DNTT: variants seen among roughly 807,000 people sequenced by gnomAD.
DNTT encodes the protein nucleosidetriphosphate:DNA deoxynucleotidylexotransferase.
DNTT carries 47 observed loss-of-function variants against 60.9 expected under a neutral mutation model. That is an observed-to-expected ratio of 0.77 (90% confidence interval 0.61 to 0.98). DNTT has a LOEUF of 0.98. Among genes scored for constraint, DNTT ranks in the 50% least tolerant of loss-of-function variants. The pLI is 0.00. For missense variants in DNTT, 665 were observed against 627.5 expected (o/e 1.06, Z -0.64); for synonymous variants, 224 against 221.2 (o/e 1.01, Z -0.11).
At chr10:96,336,547 G>A (rs1464052118) in intron 10 of DNTT, among the ~76,000 whole-genome samples, 2 of 152,184 alleles carry the variant, frequency 1.3e-5, no homozygotes, top group South Asian at 2.1e-4. Context: ...AGTTAGAAGA[G>A]TTAAATATCC....
intron 6 of DNTT, 113 bp downstream of exon 6, chr10:96,324,502 T>C (rs1391266281): frequency 3.4e-6 from 5 of 1,450,880 alleles, no homozygotes; most frequent in Non-Finnish European, 4.7e-6. Context: ...ACTTCTTTGA[T>C]GTCCATTGAT....
chr10:96,309,613 T>C (rs756785107), intron 1 of DNTT, among the ~76,000 whole-genome samples: 2 of 152,196 alleles, frequency 1.3e-5, no homozygotes, highest in Non-Finnish European at 2.9e-5. Context: ...GTCTCACTCA[T>C]TATCCCAAAA....
chr10:96,327,545 G>A lies in DNTT; in HGVS notation c.952G>A (p.Ala318Thr). The part of the protein sequence containing the change: ...AEAVSVLVKE[A>T]VWAFLPDAFV... ...GGCCGTCAGTGTGCTGGTTAAAGAG[G>A]CTGTCTGGGCATTTCTTCCGGATGC... Residue 318 changes from alanine (A) to threonine (T), a missense_variant, in exon 7 of 11, where the codon GCT (alanine) becomes ACT (threonine). Transcript: ENST00000371174. The A allele has an allele frequency of 6.2e-7, 1 of 1,614,108 alleles. No homozygotes were observed. The highest frequency in any genetic ancestry group is 8.5e-7 in the Non-Finnish European group (1 of 1,179,970).
At chr10:96,328,868 ATTATG>A in intron 8 of DNTT, 38 bp downstream of exon 8, 2 of 1,586,246 alleles carry the variant, frequency 1.3e-6, no homozygotes, top group Middle Eastern at 3.4e-4. Context: ...ACACGCAAAC[ATTATG>A]TTAACACTTG....
At chr10:96,324,465 G>C in intron 6 of DNTT, 76 bp downstream of exon 6, 1 of 1,582,112 alleles carries the variant, frequency 6.3e-7, no homozygotes, top group Non-Finnish European at 8.6e-7. Context: ...CAGTTACACT[G>C]CAACTCCAAT....
At chr10:96,320,895 C>A in intron 4 of DNTT, 107 bp downstream of exon 4, 1 of 1,378,310 alleles carries the variant, frequency 7.3e-7, no homozygotes, top group Non-Finnish European at 9.9e-7. Flanking sequence ...ATGTGGTGTA[C>A]ATCACAAATT....
intron 1 of DNTT, among the ~76,000 whole-genome samples, chr10:96,305,161 G>A (rs12258827): frequency 0.027 from 4,106 of 152,234 alleles, 153 homozygotes; most frequent in African/African-American, 0.084. Flanking sequence ...GGTGGGCGAG[G>A]ATGACTAGCC....
In DNTT at chr10:96,334,094, T is replaced by C. The variant is rs115901436; in HGVS notation, c.1359+1498T>C. Among the ~76,000 whole-genome samples the C allele has an allele frequency of 7.9e-3, 1,207 of 152,314 alleles. 11 individuals are homozygous for C. Among genetic ancestry groups the C allele is most frequent in the African/African-American group, 0.028 (1,167 of 41,554 alleles). ...TATCATATTATAACCCACAAATGCA[T>C]ACAATTATTATATGTTAATTAAAAA... is the stretch of plus-strand genomic sequence containing the variant. On this transcript the variant is annotated intron_variant, in intron 9 of 10. Coordinates refer to ENST00000371174, the MANE Select transcript of DNTT (RefSeq NM_004088.4).
chr10:96,304,588 A>T lies in DNTT; in HGVS notation c.91A>T (p.Lys31Ter). The change falls in exon 1 of 11, where the codon AAA becomes TAA. Residue 31 changes from lysine to a stop codon, truncating the protein, a stop_gained. Coordinates refer to ENST00000371174, the MANE Select transcript of DNTT (RefSeq NM_004088.4). LOFTEE classifies it high-confidence loss of function. ...GATGGCCTCCTCTCCTCAAGACATC[A>T]AATTTCAAGATTTGGTCGTCTTCAT... is the stretch of plus-strand genomic sequence containing the variant. ...ALMASSPQDI[K>*]FQDLVVFILE... The T allele has an allele frequency of 1.2e-6, 2 of 1,614,188 alleles. No homozygotes were observed. The highest frequency in any genetic ancestry group is 2.2e-5 in the South Asian group (2 of 91,080).
At chr10:96,322,587 T>C in intron 4 of DNTT, 70 bp from the exon 5 acceptor site, 1 of 1,308,526 alleles carries the variant, frequency 7.6e-7, no homozygotes, top group Admixed American at 2.1e-5. Context: ...ACTAGGTCCA[T>C]GAATTTGAGA....
intron 1 of DNTT, 128 bp from the exon 2 acceptor site, chr10:96,318,224 C>A: frequency 9.2e-7 from 1 of 1,089,452 alleles, no homozygotes; most frequent in Non-Finnish European, 1.3e-6. Context: ...CTAAATTCTC[C>A]ACACCTATGG....
At chr10:96,319,767 G>T (rs1481338415) in intron 3 of DNTT, among the ~76,000 whole-genome samples, 5 of 152,198 alleles carry the variant, frequency 3.3e-5, no homozygotes. Flanking sequence ...AACAGCTTTT[G>T]CTGGGAAACC....
At chr10:96,317,682 T>C (rs1844803026) in intron 1 of DNTT, among the ~76,000 whole-genome samples, 2 of 152,166 alleles carry the variant, frequency 1.3e-5, no homozygotes, top group Admixed American at 6.6e-5. Flanking sequence ...TGCCTTCCCC[T>C]TCTGCTATGT....
chr10:96,318,203 T>C, intron 1 of DNTT, 149 bp from the exon 2 acceptor site: 1 of 816,970 alleles, frequency 1.2e-6, no homozygotes, highest in Non-Finnish European at 1.9e-6. Context: ...AGAATTCCCT[T>C]GCATGGAGGC....
At chr10:96,337,934 G>T (rs1845093040) in intron 10 of DNTT, among the ~76,000 whole-genome samples, 1 of 152,160 alleles carries the variant, frequency 6.6e-6, no homozygotes, top group Non-Finnish European at 1.5e-5. Context: ...ATATGTTAAA[G>T]CTGTTATGAT....
intron 3 of DNTT, 100 bp from the exon 4 acceptor site, chr10:96,320,518 G>C: frequency 3.7e-6 from 5 of 1,359,098 alleles, no homozygotes; most frequent in Non-Finnish European, 5.1e-6. Context: ...ACACGCAAGT[G>C]GTATTCCAAT....
chr10:96,324,890 G>A (rs1331774650), intron 6 of DNTT, among the ~76,000 whole-genome samples: 1 of 152,182 alleles, frequency 6.6e-6, no homozygotes, highest in East Asian at 1.9e-4. Flanking sequence ...CAAATGTGAA[G>A]ATGCCCTAGA....
At chr10:96,310,100 C>T (rs1047172579) in intron 1 of DNTT, among the ~76,000 whole-genome samples, 2 of 152,166 alleles carry the variant, frequency 1.3e-5, no homozygotes, top group Admixed American at 1.3e-4. Flanking sequence ...TTAACAAACC[C>T]AGATGGCCTA....
At chr10:96,305,303 G>GACATCAC (rs1385631264) in intron 1 of DNTT, among the ~76,000 whole-genome samples, 2 of 152,204 alleles carry the variant, frequency 1.3e-5, no homozygotes, top group African/African-American at 4.8e-5. Context: ...AGGGATGACA[G>GACATCAC]ACATCACACT....
Sources: gnomAD v4.1 joint callset for allele counts (sites outside exome capture counted in the v4.1 genomes callset) on GRCh38, gnomAD v4.1.1 for gene constraint, MANE v1.5 for transcripts, NCBI Gene and HGNC (gene_info 2026-07-23, HGNC 2026-07-21) for gene names.